Variants in SHANK2 observed in about 807,000 individuals in gnomAD.
SHANK2 encodes the protein SH3 and multiple ankyrin repeat domains protein 2.
SHANK2 carries 43 observed loss-of-function variants against 133.7 expected under a neutral mutation model. The observed-to-expected ratio is 0.32, with a 90% CI of 0.25 to 0.41. The LOEUF is 0.41. Among genes scored for constraint, SHANK2 ranks in the 10% least tolerant of loss-of-function variants. The pLI is 1.00. For synonymous variants in SHANK2, 1,017 were observed against 952.8 expected, an observed-to-expected ratio of 1.07 and a Z score of -1.24; for missense variants, 1,994 against 2,235.8, an observed-to-expected ratio of 0.89 and a Z score of 2.18.
At chr11:70,868,186 T>C (rs1285344552) in intron 11 of SHANK2, among the ~76,000 whole-genome samples, 1 of 152,204 alleles carries the variant, frequency 6.6e-6, no homozygotes, top group Non-Finnish European at 1.5e-5. Flanking sequence ...TCACTTTCAA[T>C]GGCTTGGCCC....
At chr11:71,155,370 C>T (rs112710612) in intron 2 of SHANK2, among the ~76,000 whole-genome samples, 19,838 of 118,334 alleles carry the variant, frequency 0.17, 2,089 homozygotes, top group South Asian at 0.22. Context: ...CCCCAGCCCA[C>T]GCTCCCAGAG....
intron 14 of SHANK2, among the ~76,000 whole-genome samples, chr11:70,726,499 C>A (rs781977494): frequency 6.6e-6 from 1 of 152,226 alleles, no homozygotes; most frequent in African/African-American, 2.4e-5. Flanking sequence ...ATAAATTAGA[C>A]CCCCTTGGGA....
chr11:70,918,434 G>A (rs535746875), intron 10 of SHANK2, among the ~76,000 whole-genome samples: 58 of 152,346 alleles, frequency 3.8e-4, no homozygotes, highest in African/African-American at 1.4e-3. Context: ...TATAGCCCAG[G>A]TGGCTCTGCC....
rs77902142 is a variant in SHANK2 at position 70,696,625 on chromosome 11, G to A, written c.1853+2063C>T. ...CACTTGGGCTTCAAGGTCACAAAGT[G>A]GGCGAGTGTAGCAAGACCTGGAAAG... is the stretch of plus-strand genomic sequence containing the variant. On this transcript the variant is annotated intron_variant, in intron 15 of 25. Coordinates refer to ENST00000601538, the MANE Select transcript of SHANK2 (RefSeq NM_012309.5). Among the ~76,000 whole-genome samples the A allele has an allele frequency of 5.8e-3, 878 of 152,326 alleles. 8 individuals are homozygous for A. Among genetic ancestry groups the A allele is most frequent in the African/African-American group, 0.02 (825 of 41,576 alleles).
At chr11:70,576,636 C>A (rs1554984357) in intron 17 of SHANK2, among the ~76,000 whole-genome samples, 1 of 152,000 alleles carries the variant, frequency 6.6e-6, no homozygotes, top group East Asian at 1.9e-4. Flanking sequence ...GACTCCATCT[C>A]AAAAAACAAA....
rs1950969351 is a variant in SHANK2, at chr11:71,060,045, C to G, written c.1030-3487G>C. On this transcript the variant is annotated intron_variant, in intron 9 of 25. Transcript: ENST00000601538. ...GTTGGTTAGAGGGGGATCCCCAGAG[C>G]CCCTGCACCCCGATTCCAATTAGAA... 3.3e-5 allele frequency among the ~76,000 whole-genome samples: 5 copies of G among 152,284 alleles called. No homozygotes were observed. In the South Asian group the frequency reaches 8.3e-4, roughly 25 times the overall value.
At chr11:70,845,992 T>C (rs1948991441) in intron 11 of SHANK2, among the ~76,000 whole-genome samples, 1 of 152,072 alleles carries the variant, frequency 6.6e-6, no homozygotes, top group South Asian at 2.1e-4. Context: ...GAGAAACAGG[T>C]GGCCAAGGGC....
chr11:70,928,312 A>T (rs1246423923), intron 10 of SHANK2, among the ~76,000 whole-genome samples: 1 of 152,152 alleles, frequency 6.6e-6, no homozygotes, highest in African/African-American at 2.4e-5. Context: ...AAGGGGGAAA[A>T]CTGGAAGGCA....
At chr11:70,839,922 C>A (rs1476150070) in intron 11 of SHANK2, among the ~76,000 whole-genome samples, 1 of 152,192 alleles carries the variant, frequency 6.6e-6, no homozygotes, top group African/African-American at 2.4e-5. Flanking sequence ...TCAGGCACCA[C>A]ATCTGCATCA....
intron 14 of SHANK2, among the ~76,000 whole-genome samples, chr11:70,727,953 T>C (rs1946209831): frequency 6.6e-6 from 1 of 152,226 alleles, no homozygotes; most frequent in African/African-American, 2.4e-5. Flanking sequence ...CTGATGAGTT[T>C]TGTTGGCTGA....
Position 71,094,550 on chromosome 11 carries a change from T to G in SHANK2, c.731A>C (p.Gln244Pro). Residue 244 changes from glutamine (Q) to proline (P), a missense_variant, in exon 7 of 26, where the codon CAA (glutamine) becomes CCA (proline). Gln to Pro is a moderately conservative substitution (Grantham distance 76). Coordinates refer to ENST00000601538, the MANE Select transcript of SHANK2 (RefSeq NM_012309.5). ...GCCCGAGTTTACCTTCAGGGCAACT[T>G]GGTTCCTCGCTCGGGCAGCTTTGTG... ...ALHKAARARN[Q>P]VALKTLLELG... 6.4e-7 allele frequency: 1 copy of G among 1,550,776 alleles called. No individual in the cohort carries two copies.
In SHANK2 at chr11:70,547,919, G is replaced by A. The variant is rs903770209; in HGVS notation, c.2062-44988C>T. Among the ~76,000 whole-genome samples the A allele has an allele frequency of 3.9e-5, 6 of 152,228 alleles. No individual in the cohort carries two copies. In the East Asian group the frequency reaches 1.2e-3, roughly 29 times the overall value. Reference sequence around the variant, plus strand: ...ATGGCAGCAGAGTGAAGATAAGCTTGTTATCAGCTCACTGAGTTTGAACTA... The same window carrying A: ...ATGGCAGCAGAGTGAAGATAAGCTTATTATCAGCTCACTGAGTTTGAACTA... On this transcript the variant is annotated intron_variant, in intron 17 of 25. Coordinates refer to ENST00000601538, the MANE Select transcript of SHANK2 (RefSeq NM_012309.5).
intron 15 of SHANK2, among the ~76,000 whole-genome samples, chr11:70,664,954 C>T (rs1420446442): frequency 2.6e-5 from 4 of 152,130 alleles, no homozygotes; most frequent in Admixed American, 6.5e-5. Flanking sequence ...GCCGTGGAGT[C>T]GTGCATCCAT....
At chr11:71,072,799 A>G (rs1260660222) in intron 9 of SHANK2, among the ~76,000 whole-genome samples, 3 of 152,182 alleles carry the variant, frequency 2.0e-5, no homozygotes, top group African/African-American at 7.2e-5. Context: ...GCCAGACACC[A>G]AAGGACAAAC....
rs1951168537 is a variant in SHANK2 at position 71,073,150 on chromosome 11, T to TTTTTTTTTTTTG, written c.1029+2008_1029+2009insCAAAAAAAAAAA. ...TTGTTTTTTTTCTTTTTCTTTTCTT[T>TTTTTTTTTTTTG]TTTTTCTTTTTTTTCTTTTTTTTTT... On this transcript the variant is annotated intron_variant, in intron 9 of 25. Transcript: ENST00000601538. Among the ~76,000 whole-genome samples the TTTTTTTTTTTTG allele has an allele frequency of 6.1e-5, 2 of 32,726 alleles. 1 individual carries two copies. The highest frequency in any genetic ancestry group is 2.6e-4 in the Non-Finnish European group (2 of 7,586). The allele number at this position is 32,726 out of a possible 152,430, so 21.5% of individuals were successfully genotyped here.
chr11:71,219,816 T>A (rs545126727), intron 2 of SHANK2, among the ~76,000 whole-genome samples: 1 of 152,004 alleles, frequency 6.6e-6, no homozygotes, highest in Non-Finnish European at 1.5e-5. Flanking sequence ...GAGAATCACT[T>A]GAGCCCAGGA....
intron 2 of SHANK2, among the ~76,000 whole-genome samples, chr11:71,200,831 T>TAC (rs56749664): frequency 0.12 from 17,835 of 144,802 alleles, 1,085 homozygotes; most frequent in Non-Finnish European, 0.14. Context: ...TCTCAATTAA[T>TAC]ACACACACAC....
At chr11:70,771,938 T>C (rs181101236) in intron 14 of SHANK2, among the ~76,000 whole-genome samples, 20 of 152,260 alleles carry the variant, frequency 1.3e-4, no homozygotes, top group African/African-American at 4.3e-4. Flanking sequence ...GTGTCTTTGT[T>C]TAAAGGCAGC....
At chr11:70,543,897 G>T (rs1347616630) in intron 17 of SHANK2, among the ~76,000 whole-genome samples, 1 of 152,218 alleles carries the variant, frequency 6.6e-6, no homozygotes, top group African/African-American at 2.4e-5. Context: ...GGCACCTGCT[G>T]GTGTCCGAGG....
Sources: gnomAD v4.1 joint callset for allele counts (sites outside exome capture counted in the v4.1 genomes callset) on GRCh38, gnomAD v4.1.1 for gene constraint, MANE v1.5 for transcripts, NCBI Gene and HGNC (gene_info 2026-07-23, HGNC 2026-07-21) for gene names.